The following KCNT1 variants were observed in gnomAD, a reference collection of about 807,000 sequenced individuals.
KCNT1 encodes the protein potassium channel subfamily T member 1.
KCNT1 carries 78 observed loss-of-function variants against 147.8 expected under a neutral mutation model. The ratio of observed to expected loss-of-function variants is 0.53; its 90% confidence interval spans 0.44 to 0.64. The LOEUF (loss-of-function observed/expected upper bound fraction) is 0.64. KCNT1 is among the 30% of genes least tolerant of loss of function. KCNT1 has a pLI of 0.00. For synonymous variants in KCNT1, 867 were observed against 748.8 expected (o/e 1.16, Z -2.58); for missense variants, 1,419 against 1,750.3 (o/e 0.81, Z 3.38).
chr9:135,703,630 T>C (rs1184299034), intron 1 of KCNT1, among the ~76,000 whole-genome samples: 1 of 152,172 alleles, frequency 6.6e-6, no homozygotes, highest in Non-Finnish European at 1.5e-5. Flanking sequence ...ACAGAGAAAA[T>C]GACCCCAAGG....
rs778483249 is a variant in KCNT1 at position 135,768,925 on chromosome 9, G to A, written c.1498G>A (p.Val500Ile). 5 of 1,612,666 alleles carry A rather than the reference G, an allele frequency of 3.1e-6. No individual in the cohort carries two copies. Among genetic ancestry groups the A allele is most frequent in the Middle Eastern group, 1.6e-4 (1 of 6,070 alleles). Residue 500 changes from valine (V) to isoleucine (I), a missense_variant, in exon 15 of 31, where the codon GTC (valine) becomes ATC (isoleucine). Coordinates refer to ENST00000371757, the MANE Select transcript of KCNT1 (RefSeq NM_020822.3). Reference protein sequence around the residue: ...QILKPENKFHVKFADHVVCEE... With the variant: ...QILKPENKFHIKFADHVVCEE... ...CCTCAAACCTGAAAACAAGTTTCAC[G>A]TCAAGTTTGCTGGTGCGTCTGGGGC...
intron 29 of KCNT1, among the ~76,000 whole-genome samples, chr9:135,787,158 T>A (rs1230181383): frequency 1.3e-5 from 2 of 152,208 alleles, no homozygotes; most frequent in East Asian, 3.9e-4. Context: ...ATGGGCCTGT[T>A]GCCACTCCCA....
chr9:135,783,224 C>A (rs1190542440), intron 24 of KCNT1, among the ~76,000 whole-genome samples: 1 of 152,218 alleles, frequency 6.6e-6, no homozygotes, highest in Non-Finnish European at 1.5e-5. Context: ...GATGGGAGAT[C>A]CTCCTGGAGC....
At chr9:135,775,235 A>G (rs1465156201) in intron 19 of KCNT1, 75 bp from the exon 20 acceptor site, 3 of 1,137,990 alleles carry the variant, frequency 2.6e-6, no homozygotes, top group Admixed American at 2.3e-5. Context: ...CGAGTCCCCC[A>G]GCCCGAGGGG....
At chr9:135,751,308 C>T (rs981857572) in intron 4 of KCNT1, among the ~76,000 whole-genome samples, 7 of 151,964 alleles carry the variant, frequency 4.6e-5, no homozygotes, top group East Asian at 1.9e-4. Context: ...AGAAGGTCCA[C>T]GGAAAGGCTG....
chr9:135,787,983 C>T, intron 29 of KCNT1: 2 of 753,372 alleles, frequency 2.7e-6, no homozygotes, highest in Non-Finnish European at 2.4e-6. Flanking sequence ...CTTCTGGTGG[C>T]CGGCCTCCCG....
At chr9:135,773,009 G>A (rs1015496953) in intron 19 of KCNT1, 60 bp downstream of exon 19, 5 of 1,214,426 alleles carry the variant, frequency 4.1e-6, no homozygotes, top group East Asian at 2.9e-5. Flanking sequence ...GAGTGCGGGG[G>A]ATGGGTGTCG....
At chr9:135,715,779 G>C (rs997009707) in intron 2 of KCNT1, among the ~76,000 whole-genome samples, 6 of 152,174 alleles carry the variant, frequency 3.9e-5, no homozygotes, top group African/African-American at 1.4e-4. Flanking sequence ...TTTGTAAAAA[G>C]GGGGTCTTAA....
intron 2 of KCNT1, among the ~76,000 whole-genome samples, chr9:135,720,116 A>C (rs1475024057): frequency 2.6e-5 from 4 of 152,122 alleles, no homozygotes; most frequent in Non-Finnish European, 4.4e-5. Context: ...CAGGGCCAGC[A>C]GGAGCAGGAA....
chr9:135,777,573 C>T, intron 21 of KCNT1, 63 bp downstream of exon 21: 1 of 1,507,868 alleles, frequency 6.6e-7, no homozygotes, highest in African/African-American at 1.4e-5. Flanking sequence ...AGCCAGCAGC[C>T]TCCCCAACTG....
chr9:135,746,361 A>G (rs1205956260), intron 2 of KCNT1, among the ~76,000 whole-genome samples: 1 of 152,050 alleles, frequency 6.6e-6, no homozygotes, highest in African/African-American at 2.4e-5. Context: ...CTCTCTCCCT[A>G]AGGGGGGCTC....
intron 29 of KCNT1, chr9:135,791,471 G>A (rs1188210403): frequency 6.1e-5 from 20 of 328,428 alleles, no homozygotes; most frequent in Non-Finnish European, 1.7e-5. Flanking sequence ...TACGTGGCAG[G>A]TGTGCGCTGG....
chr9:135,749,293 C>T (rs1278479812), intron 2 of KCNT1, among the ~76,000 whole-genome samples: 2 of 152,214 alleles, frequency 1.3e-5, no homozygotes, highest in Non-Finnish European at 2.9e-5. Context: ...AGGTGAGCCA[C>T]GCAATCTCCC....
intron 1 of KCNT1, among the ~76,000 whole-genome samples, chr9:135,703,970 G>A (rs1283353990): frequency 3.3e-5 from 5 of 152,254 alleles, no homozygotes; most frequent in Admixed American, 2.6e-4. Flanking sequence ...CGGCAGTGGA[G>A]GGATGTCAGG....
At chr9:135,731,555 T>C (rs1588278079) in intron 2 of KCNT1, among the ~76,000 whole-genome samples, 1 of 151,704 alleles carries the variant, frequency 6.6e-6, no homozygotes, top group South Asian at 2.1e-4. Flanking sequence ...GTGGCTGTGG[T>C]TGTTTTTCTC....
intron 2 of KCNT1, among the ~76,000 whole-genome samples, chr9:135,732,439 G>A (rs1306641524): frequency 5.9e-5 from 9 of 152,150 alleles, no homozygotes; most frequent in African/African-American, 1.2e-4. Context: ...CCTTTGCTGT[G>A]CTGGTCAGAG....
At chr9:135,746,449 G>A (rs568491142) in intron 2 of KCNT1, among the ~76,000 whole-genome samples, 1 of 152,368 alleles carries the variant, frequency 6.6e-6, no homozygotes, top group South Asian at 2.1e-4. Flanking sequence ...ACTAGTCCCA[G>A]ACCAGCAGCC....
chr9:135,770,239 G>T, intron 16 of KCNT1, 59 bp from the exon 17 acceptor site: 1 of 1,542,174 alleles, frequency 6.5e-7, no homozygotes, highest in Admixed American at 1.8e-5. Context: ...GACCCAGCCG[G>T]GGAGAAGGGG....
Position 135,753,946 on chromosome 9 carries a change from C to T in KCNT1, c.444C>T (p.Cys148=), listed in dbSNP as rs1831336853. The change falls in exon 5 of 31, where the codon TGC becomes TGT. Residue 148 remains cysteine, a synonymous_variant. Transcript: ENST00000371757. Reference sequence around the variant, plus strand: ...CTGTGTCTCTCCACAGCTGGGGCTGCCCAAAGCAGAACTACTCCTTCAATG... The same window carrying T: ...CTGTGTCTCTCCACAGCTGGGGCTGTCCAAAGCAGAACTACTCCTTCAATG... ...DPALGIGCWG[C]PKQNYSFNDS... 1 of 1,613,984 alleles carries T rather than the reference C, an allele frequency of 6.2e-7. No individual in the cohort carries two copies.
Sources: gnomAD v4.1 joint callset for allele counts (sites outside exome capture counted in the v4.1 genomes callset) on GRCh38, gnomAD v4.1.1 for gene constraint, MANE v1.5 for transcripts, NCBI Gene and HGNC (gene_info 2026-07-23, HGNC 2026-07-21) for gene names.